GPR137C: variants seen among roughly 807,000 people sequenced by gnomAD.
GPR137C encodes integral membrane protein GPR137C.
GPR137C carries 27 observed loss-of-function variants against 43.4 expected under a neutral mutation model. The ratio of observed to expected loss-of-function variants is 0.62; its 90% CI spans 0.46 to 0.86. The LOEUF (loss-of-function observed/expected upper bound fraction) is 0.86. Ranked by LOEUF, GPR137C falls within the 40% of genes least tolerant of loss-of-function variation. The probability of loss-of-function intolerance (pLI) is 0.00; values close to 1 mark genes in which losing one functional copy is unlikely to be tolerated. For missense variants in GPR137C, 522 were observed against 534.6 expected (o/e 0.98, Z 0.23); for synonymous variants, 285 against 226.9 (o/e 1.26, Z -2.30).
intron 3 of GPR137C, among the ~76,000 whole-genome samples, chr14:52,621,279 A>G (rs1026143388): frequency 6.6e-6 from 1 of 151,900 alleles, no homozygotes; most frequent in East Asian, 1.9e-4. Flanking sequence ...ATGCCAAAAG[A>G]AAAAAGCTGT....
chr14:52,607,079 T>C (rs931036102), intron 3 of GPR137C, among the ~76,000 whole-genome samples: 3 of 152,238 alleles, frequency 2.0e-5, no homozygotes, highest in Non-Finnish European at 4.4e-5. Flanking sequence ...TTAATTTCCA[T>C]GTATTTTTAC....
intron 3 of GPR137C, chr14:52,613,249 A>G (rs2039059226): frequency 6.6e-6 from 1 of 150,808 alleles, no homozygotes; most frequent in Admixed American, 6.6e-5. Context: ...TCCACCTCAA[A>G]AAAAAAAAAA....
chr14:52,601,866 C>T (rs1348434807), intron 3 of GPR137C, among the ~76,000 whole-genome samples: 3 of 151,796 alleles, frequency 2.0e-5, no homozygotes, highest in Non-Finnish European at 4.4e-5. Context: ...ATAGATAATA[C>T]TCTGAATAAA....
intron 1 of GPR137C, among the ~76,000 whole-genome samples, chr14:52,568,472 AAG>A (rs1482766712): frequency 6.6e-6 from 1 of 152,054 alleles, no homozygotes; most frequent in African/African-American, 2.4e-5. Context: ...CTCCCCTGGA[AAG>A]GGGGCTGAAG....
At chr14:52,555,499 A>G (rs757160855) in intron 1 of GPR137C, among the ~76,000 whole-genome samples, 8 of 152,170 alleles carry the variant, frequency 5.3e-5, no homozygotes, top group Non-Finnish European at 1.2e-4. Context: ...ACACTATCCA[A>G]AAAAGGAGAT....
At chr14:52,633,716 A>G (rs377164185) in intron 5 of GPR137C, 61 bp downstream of exon 5, 5 of 1,576,180 alleles carry the variant, frequency 3.2e-6, no homozygotes, top group Middle Eastern at 1.7e-4. Context: ...GAACATTTAT[A>G]TTGATTTTCT....
intron 3 of GPR137C, among the ~76,000 whole-genome samples, chr14:52,610,178 T>C (rs1337991082): frequency 2.0e-5 from 3 of 152,232 alleles, no homozygotes; most frequent in Non-Finnish European, 2.9e-5. Flanking sequence ...TCTTTTGTTA[T>C]CTTCACAGCA....
At chr14:52,559,145 A>G (rs2038239892) in intron 1 of GPR137C, among the ~76,000 whole-genome samples, 1 of 152,186 alleles carries the variant, frequency 6.6e-6, no homozygotes, top group African/African-American at 2.4e-5. Flanking sequence ...TGGGAGGCCA[A>G]GGCAGGCAGA....
chr14:52,575,937 T>A (rs1345101524), intron 1 of GPR137C, among the ~76,000 whole-genome samples: 4 of 152,180 alleles, frequency 2.6e-5, no homozygotes, highest in Non-Finnish European at 5.9e-5. Flanking sequence ...AGATAGAGCT[T>A]AGTCTCTCAC....
At chr14:52,616,872 T>C (rs750467110) in intron 3 of GPR137C, among the ~76,000 whole-genome samples, 1 of 152,202 alleles carries the variant, frequency 6.6e-6, no homozygotes, top group Non-Finnish European at 1.5e-5. Flanking sequence ...GGTAGAGTCG[T>C]CTTTTCTGAC....
chr14:52,561,321 A>T (rs1298584052), intron 1 of GPR137C, among the ~76,000 whole-genome samples: 1 of 152,202 alleles, frequency 6.6e-6, no homozygotes, highest in Non-Finnish European at 1.5e-5. Context: ...TCTAGCTGTT[A>T]CAGAAGCCAG....
chr14:52,574,259 A>G (rs1390322543), intron 1 of GPR137C, among the ~76,000 whole-genome samples: 1 of 152,228 alleles, frequency 6.6e-6, no homozygotes, highest in Non-Finnish European at 1.5e-5. Context: ...CTATAAAGAC[A>G]CATGCACACA....
Position 52,634,950 on chromosome 14 carries a change from G to A in GPR137C, c.1125G>A (p.Ser375=), listed in dbSNP as rs368565116. The A allele has an allele frequency of 6.4e-5, 103 of 1,611,088 alleles. No homozygotes were observed. The highest frequency in any genetic ancestry group is 5.7e-5 in the Non-Finnish European group (67 of 1,178,884). ...GSSREGSLPN[S]QSLGWYGTMT... ...TTTTTTGTTGCAGTTTACCAAATTCGCAAAGTTTGGGCTGGTATGGCACCA... is the reference window on the plus strand; with the variant it reads ...TTTTTTGTTGCAGTTTACCAAATTCACAAAGTTTGGGCTGGTATGGCACCA... The change falls in exon 7 of 7, where the codon TCG becomes TCA. Residue 375 remains serine, a synonymous_variant. Transcript: ENST00000321662.
intron 1 of GPR137C, among the ~76,000 whole-genome samples, chr14:52,596,404 G>A (rs1017748638): frequency 6.6e-6 from 1 of 152,206 alleles, no homozygotes; most frequent in Non-Finnish European, 1.5e-5. Flanking sequence ...GCTGCCTTTT[G>A]TTCAGCTATG....
chr14:52,558,739 A>C (rs982740839), intron 1 of GPR137C, among the ~76,000 whole-genome samples: 1 of 152,242 alleles, frequency 6.6e-6, no homozygotes. Flanking sequence ...AATACAAAAA[A>C]TTGGCACATT....
intron 1 of GPR137C, among the ~76,000 whole-genome samples, chr14:52,555,478 A>C (rs1259000566): frequency 2.6e-5 from 4 of 152,198 alleles, no homozygotes. Flanking sequence ...AGGTAAGCAC[A>C]AAGTGGGTAA....
intron 1 of GPR137C, among the ~76,000 whole-genome samples, chr14:52,581,674 A>G (rs2038649476): frequency 6.6e-6 from 1 of 152,230 alleles, no homozygotes. Flanking sequence ...TCTCTATAGG[A>G]ACTTAAGCAA....
intron 1 of GPR137C, among the ~76,000 whole-genome samples, chr14:52,568,800 G>A (rs2038415465): frequency 1.3e-5 from 2 of 152,226 alleles, no homozygotes; most frequent in African/African-American, 4.8e-5. Context: ...CCAGTCAGGG[G>A]CTTATAGAGA....
At chr14:52,591,711 G>C (rs1197199644) in intron 1 of GPR137C, among the ~76,000 whole-genome samples, 2 of 152,112 alleles carry the variant, frequency 1.3e-5, no homozygotes, top group Non-Finnish European at 2.9e-5. Flanking sequence ...GTTCTTTGTA[G>C]ATTCTGGATA....
Sources: allele counts gnomAD v4.1 joint callset (sites outside exome capture counted in the v4.1 genomes callset), GRCh38; gene constraint gnomAD v4.1.1; transcripts MANE v1.5; gene names NCBI Gene and HGNC (gene_info 2026-07-23, HGNC 2026-07-21).